Variants in MAPK10 observed in about 807,000 individuals in gnomAD.
The protein encoded by MAPK10 is mitogen-activated protein kinase 10.
In MAPK10, 25 loss-of-function variants were observed where a neutral mutation model predicts 59.3. The ratio of observed to expected loss-of-function variants is 0.42; its 90% CI spans 0.31 to 0.59. The LOEUF (loss-of-function observed/expected upper bound fraction) is 0.59. Among genes scored for constraint, MAPK10 ranks in the 20% least tolerant of loss-of-function variants. MAPK10 has a pLI of 0.15. For synonymous variants in MAPK10, 190 were observed against 200.5 expected (o/e 0.95, Z 0.44); for missense variants, 351 against 568.9 (o/e 0.62, Z 3.90).
intron 12 of MAPK10, among the ~76,000 whole-genome samples, chr4:86,030,381 A>G (rs1246632522): frequency 6.6e-6 from 1 of 152,132 alleles, no homozygotes; most frequent in Admixed American, 6.5e-5. Flanking sequence ...CCCAGGCTTG[A>G]GTACAATGGC....
chr4:86,497,969 C>T (rs1564951590), intron 1 of MAPK10, among the ~76,000 whole-genome samples: 1 of 152,180 alleles, frequency 6.6e-6, no homozygotes, highest in Non-Finnish European at 1.5e-5. Flanking sequence ...TACTTCTCTT[C>T]AAGGGTAAAG....
intron 2 of MAPK10, among the ~76,000 whole-genome samples, chr4:86,290,768 C>T (rs1001556527): frequency 6.6e-6 from 1 of 152,112 alleles, no homozygotes; most frequent in African/African-American, 2.4e-5. Flanking sequence ...ATGTAGCAGC[C>T]TTATAAAGTT....
At chr4:86,163,742 T>C (rs141132616) in intron 3 of MAPK10, among the ~76,000 whole-genome samples, 9 of 150,340 alleles carry the variant, frequency 6.0e-5, no homozygotes, top group African/African-American at 1.0e-4. Context: ...ATAGTAGATA[T>C]AAAAGATGCC....
At chr4:86,548,835 C>T (rs1198394634) in intron 1 of MAPK10, among the ~76,000 whole-genome samples, 1 of 152,186 alleles carries the variant, frequency 6.6e-6, no homozygotes, top group South Asian at 2.1e-4. Flanking sequence ...CTTAGAAGGA[C>T]ATCTCGTATA....
At chr4:86,439,847 G>A (rs1238722091) in intron 1 of MAPK10, among the ~76,000 whole-genome samples, 2 of 151,976 alleles carry the variant, frequency 1.3e-5, no homozygotes, top group Admixed American at 1.3e-4. Context: ...TAAAGTATCT[G>A]TCCAAATATA....
chr4:86,010,720 A>AT lies in MAPK10; in HGVS notation c.*6507dup, dbSNP rs1351988229. 2 of 152,260 alleles carry AT rather than the reference A, an allele frequency of 1.3e-5. No homozygotes were observed. The highest frequency in any genetic ancestry group is 1.3e-4 in the Admixed American group (2 of 15,296). The allele number at this position is 152,260 out of a possible 1,614,324, so 9.4% of individuals were successfully genotyped here. A position where few individuals can be genotyped will look rare whatever the true frequency, so the allele number is the denominator to read the frequency against. On this transcript the variant is annotated 3_prime_UTR_variant, in exon 14 of 14. Coordinates refer to ENST00000641462, the MANE Select transcript of MAPK10 (RefSeq NM_138982.4). ...AATATTATTTGCATTATAAAAATTG[A>AT]TTTTTTGGTATAATTGTTCATAGGC... is the stretch of plus-strand genomic sequence containing the variant.
At chr4:86,488,976 G>A (rs1057283380) in intron 1 of MAPK10, among the ~76,000 whole-genome samples, 2 of 152,140 alleles carry the variant, frequency 1.3e-5, no homozygotes, top group Admixed American at 6.5e-5. Flanking sequence ...TTGCGCATTC[G>A]GGCTTGTTCT....
At chr4:86,031,657 A>C in intron 11 of MAPK10, 1 of 445,842 alleles carries the variant, frequency 2.2e-6, no homozygotes, top group Non-Finnish European at 4.0e-6. Context: ...CAATATTTGC[A>C]GCAGAACGCA....
At chr4:86,497,058 A>G (rs1754921841) in intron 1 of MAPK10, among the ~76,000 whole-genome samples, 1 of 152,142 alleles carries the variant, frequency 6.6e-6, no homozygotes, top group African/African-American at 2.4e-5. Flanking sequence ...TCAAAACTTT[A>G]TTTTTATGGG....
intron 2 of MAPK10, among the ~76,000 whole-genome samples, chr4:86,333,088 G>A (rs2096192999): frequency 6.6e-6 from 1 of 152,162 alleles, no homozygotes; most frequent in South Asian, 2.1e-4. Context: ...TGAGACTACA[G>A]GCGCATGCCA....
intron 1 of MAPK10, among the ~76,000 whole-genome samples, chr4:86,443,544 A>G (rs1248745059): frequency 6.6e-6 from 1 of 151,152 alleles, no homozygotes; most frequent in Non-Finnish European, 1.5e-5. Flanking sequence ...TTCACAGACC[A>G]AGGGCACAGC....
chr4:86,338,354 A>G (rs1722802299), intron 2 of MAPK10, among the ~76,000 whole-genome samples: 1 of 152,146 alleles, frequency 6.6e-6, no homozygotes, highest in South Asian at 2.1e-4. Flanking sequence ...TCTGCAGACA[A>G]ACCTACGTAG....
intron 1 of MAPK10, among the ~76,000 whole-genome samples, chr4:86,435,718 A>G (rs772912758): frequency 1.8e-4 from 27 of 152,188 alleles, no homozygotes; most frequent in Non-Finnish European, 3.2e-4. Flanking sequence ...TAGGTCAGCT[A>G]TAGACTCAAT....
intron 4 of MAPK10, among the ~76,000 whole-genome samples, chr4:86,130,245 T>C (rs1426046879): frequency 6.6e-6 from 1 of 152,134 alleles, no homozygotes; most frequent in Non-Finnish European, 1.5e-5. Flanking sequence ...GAATGTCTCC[T>C]TTTTTACTTA....
At chr4:86,042,102 G>A (rs1019678179) in intron 11 of MAPK10, among the ~76,000 whole-genome samples, 34 of 152,214 alleles carry the variant, frequency 2.2e-4, no homozygotes, top group Non-Finnish European at 4.7e-4. Flanking sequence ...TAAAGAAAAT[G>A]TGGCACATAT....
At chr4:86,244,180 A>C (rs2092929353) in intron 2 of MAPK10, among the ~76,000 whole-genome samples, 1 of 152,196 alleles carries the variant, frequency 6.6e-6, no homozygotes, top group African/African-American at 2.4e-5. Flanking sequence ...TTAGATTACA[A>C]CTGAAAAAGC....
chr4:86,416,118 G>T (rs1234740450), intron 1 of MAPK10, among the ~76,000 whole-genome samples: 3 of 152,164 alleles, frequency 2.0e-5, no homozygotes, highest in Non-Finnish European at 4.4e-5. Flanking sequence ...GGTAATTAAT[G>T]TTAAATAAGG....
intron 2 of MAPK10, among the ~76,000 whole-genome samples, chr4:86,228,901 A>G (rs2091107885): frequency 6.6e-6 from 1 of 152,216 alleles, no homozygotes; most frequent in Non-Finnish European, 1.5e-5. Context: ...TTAAGTTCAT[A>G]TTTCAACTAC....
chr4:86,088,339 C>A (rs572419387), intron 9 of MAPK10, among the ~76,000 whole-genome samples: 1 of 152,140 alleles, frequency 6.6e-6, no homozygotes, highest in East Asian at 1.9e-4. Flanking sequence ...TCACCGTGCC[C>A]GGCTAAATTT....
Sources: allele counts gnomAD v4.1 joint callset (sites outside exome capture counted in the v4.1 genomes callset), GRCh38; gene constraint gnomAD v4.1.1; transcripts MANE v1.5; gene names NCBI Gene and HGNC (gene_info 2026-07-23, HGNC 2026-07-21).